ELP3: variants seen among roughly 807,000 people sequenced by gnomAD.
ELP3 encodes the protein elongator acetyltransferase complex subunit 3, also known as elongator complex protein 3.
ELP3 carries 56 observed loss-of-function variants against 74.9 expected under a neutral mutation model. The observed-to-expected ratio is 0.75, with a 90% CI of 0.60 to 0.93. The LOEUF (loss-of-function observed/expected upper bound fraction) is 0.93, where lower values mean the gene tolerates loss of function less well. Ranked by LOEUF, ELP3 falls within the 40% of genes least tolerant of loss-of-function variation. The pLI is 0.00. For synonymous variants in ELP3, 222 were observed against 239.8 expected, an observed-to-expected ratio of 0.93 and a Z score of 0.68; for missense variants, 573 against 686.5, an observed-to-expected ratio of 0.83 and a Z score of 1.85.
At chr8:28,094,703 C>G (rs887247160) in intron 1 of ELP3, among the ~76,000 whole-genome samples, 2 of 151,844 alleles carry the variant, frequency 1.3e-5, no homozygotes, top group African/African-American at 4.8e-5. Flanking sequence ...GATCGCACCA[C>G]TGCACTCCAG....
At chr8:28,133,496 TG>T (rs570516800) in intron 9 of ELP3, among the ~76,000 whole-genome samples, 30 of 151,728 alleles carry the variant, frequency 2.0e-4, no homozygotes, top group African/African-American at 6.5e-4. Context: ...ATTTTAACTC[TG>T]GGTTGTTTTA....
chr8:28,177,348 G>A (rs944589138), intron 14 of ELP3, among the ~76,000 whole-genome samples: 14 of 152,132 alleles, frequency 9.2e-5, no homozygotes, highest in Non-Finnish European at 1.8e-4. Flanking sequence ...GTACATTGTT[G>A]AAGAGTAAAA....
At chr8:28,093,102 A>G (rs1430445183), upstream of ELP3, 21 of 1,541,504 alleles carry the variant, frequency 1.4e-5, no homozygotes, top group Non-Finnish European at 1.9e-5. Flanking sequence ...TTTACGATAC[A>G]TTGACCGACA....
chr8:28,091,375 T>A (rs576673857), upstream of ELP3, among the ~76,000 whole-genome samples: 6 of 152,284 alleles, frequency 3.9e-5, no homozygotes, highest in South Asian at 1.2e-3. Context: ...GTTTTTCAGT[T>A]TAACTTTGGA....
chr8:28,161,610 G>C (rs947417887), intron 13 of ELP3, among the ~76,000 whole-genome samples: 5 of 60,622 alleles, frequency 8.2e-5, no homozygotes, highest in Non-Finnish European at 1.8e-4. Flanking sequence ...CGTCTCAAGA[G>C]AAAAAAAAAA....
In ELP3 at chr8:28,106,744, A is replaced by G; in HGVS notation, c.290A>G (p.His97Arg). The G allele has an allele frequency of 6.2e-7, 1 of 1,612,930 alleles. No homozygotes were observed. Among genetic ancestry groups the G allele is most frequent in the Non-Finnish European group, 8.5e-7 (1 of 1,179,784 alleles). The change falls in exon 4 of 15, where the codon CAC (histidine) becomes CGC (arginine). Residue 97 changes from histidine (H) to arginine (R), a missense_variant. Transcript: ENST00000256398. ...IAVVAVMCKP[H>R]RCPHISFTGN... is the part of the protein sequence containing the mutation. ...GTCGTGGCTGTGATGTGCAAACCCCACAGATGTCCACACATCAGTTTTACA... is the reference window on the plus strand; with the variant it reads ...GTCGTGGCTGTGATGTGCAAACCCCGCAGATGTCCACACATCAGTTTTACA...
intron 7 of ELP3, among the ~76,000 whole-genome samples, chr8:28,122,750 C>T (rs773408043): frequency 6.6e-6 from 1 of 152,176 alleles, no homozygotes; most frequent in Non-Finnish European, 1.5e-5. Flanking sequence ...TTTATTTCCT[C>T]TACTCTGTAG....
At chr8:28,127,176 T>G (rs1001058410) in intron 7 of ELP3, among the ~76,000 whole-genome samples, 3 of 152,206 alleles carry the variant, frequency 2.0e-5, no homozygotes, top group Non-Finnish European at 2.9e-5. Flanking sequence ...TGATGACTTA[T>G]AAAGAGACCT....
intron 10 of ELP3, among the ~76,000 whole-genome samples, chr8:28,144,885 A>C (rs1813373573): frequency 6.6e-6 from 1 of 151,884 alleles, no homozygotes; most frequent in South Asian, 2.1e-4. Context: ...CTAAAAATAC[A>C]AAAAAAATTA....
At chr8:28,132,944 T>G (rs1007716732) in intron 9 of ELP3, among the ~76,000 whole-genome samples, 3 of 152,156 alleles carry the variant, frequency 2.0e-5, no homozygotes, top group African/African-American at 7.2e-5. Context: ...TATGATAAAT[T>G]CCATGGAGTA....
At chr8:28,103,566 A>G (rs2130366608) in intron 3 of ELP3, among the ~76,000 whole-genome samples, 1 of 152,326 alleles carries the variant, frequency 6.6e-6, no homozygotes, top group African/African-American at 2.4e-5. Context: ...ACTGTCAACA[A>G]GTGCAACTGG....
chr8:28,130,342 G>A (rs1402191000), intron 8 of ELP3, among the ~76,000 whole-genome samples: 1 of 152,144 alleles, frequency 6.6e-6, no homozygotes, highest in Non-Finnish European at 1.5e-5. Context: ...GTGTTGAGTT[G>A]GATGTTAAAG....
chr8:28,188,080 G>T (rs1030006711), intron 14 of ELP3, among the ~76,000 whole-genome samples: 1 of 152,090 alleles, frequency 6.6e-6, no homozygotes, highest in African/African-American at 2.4e-5. Context: ...GTGCAGGGAC[G>T]TGCAGAGAGG....
Position 28,183,165 on chromosome 8 carries a change from T to TAAAC in ELP3, c.1568-6482_1568-6479dup, listed in dbSNP as rs144449519. On this transcript the variant is annotated intron_variant, in intron 14 of 14. Coordinates refer to ENST00000256398, the MANE Select transcript of ELP3 (RefSeq NM_018091.6). ...ACATATAGTAAAGCTCGTGTACAAA[T>TAAAC]AAACAGGCTTGTTTTCTTCTCCCCA... 3,275 of 456,624 alleles carry TAAAC rather than the reference T, an allele frequency of 7.2e-3. 90 individuals are homozygous for TAAAC. The highest frequency in any genetic ancestry group is 0.055 in the African/African-American group (2,763 of 50,210). 28.3% of individuals were successfully genotyped at this position (456,624 alleles called of 1,614,324 possible).
chr8:28,172,935 C>A (rs1301274278), intron 14 of ELP3, among the ~76,000 whole-genome samples: 1 of 151,796 alleles, frequency 6.6e-6, no homozygotes. Flanking sequence ...TGGTTTATTA[C>A]ATTGATTTTT....
chr8:28,093,124 G>C (rs1281289738), upstream of ELP3: 1 of 1,578,586 alleles, frequency 6.3e-7, no homozygotes, highest in African/African-American at 1.3e-5. Context: ...TTTACGACAG[G>C]CGGGATTGTT....
chr8:28,162,024 G>T lies in ELP3; in HGVS notation c.1513G>T (p.Ala505Ser). The T allele has an allele frequency of 6.2e-7, 1 of 1,614,198 alleles. No homozygotes were observed. The highest frequency in any genetic ancestry group is 8.5e-7 in the Non-Finnish European group (1 of 1,180,010). The change falls in exon 14 of 15, where the codon GCA becomes TCA. Residue 505 changes from alanine (A) to serine (S), a missense_variant. By Grantham distance (99) the Ala-to-Ser change is moderately conservative. Transcript: ENST00000256398. ...QGFGMLLMEE[A>S]ERIAREEHGS... Reference sequence around the variant, plus strand: ...ATTTGGCATGCTGCTGATGGAGGAAGCAGAAAGAATAGCTAGAGAAGAACA... The same window carrying T: ...ATTTGGCATGCTGCTGATGGAGGAATCAGAAAGAATAGCTAGAGAAGAACA...
intron 7 of ELP3, among the ~76,000 whole-genome samples, chr8:28,119,362 A>G (rs961538403): frequency 2.0e-5 from 3 of 151,842 alleles, no homozygotes; most frequent in Non-Finnish European, 4.4e-5. Flanking sequence ...TACTTGCTTT[A>G]TCACATATCT....
intron 10 of ELP3, among the ~76,000 whole-genome samples, chr8:28,148,963 C>G (rs960470354): frequency 6.6e-6 from 1 of 152,094 alleles, no homozygotes; most frequent in African/African-American, 2.4e-5. Flanking sequence ...AGGCAGAGCC[C>G]TCATGAATGG....
Sources: gnomAD v4.1 joint callset for allele counts (sites outside exome capture counted in the v4.1 genomes callset) on GRCh38, gnomAD v4.1.1 for gene constraint, MANE v1.5 for transcripts, NCBI Gene and HGNC (gene_info 2026-07-23, HGNC 2026-07-21) for gene names.